The following B3GAT2 variants were observed in gnomAD, a reference collection of about 807,000 sequenced individuals.
The protein encoded by B3GAT2 is galactosylgalactosylxylosylprotein 3-beta-glucuronosyltransferase 2.
Under a neutral mutation model 27.8 loss-of-function variants are expected in B3GAT2, and 26 were observed. That is an observed-to-expected ratio of 0.93 (90% CI 0.68 to 1.30). B3GAT2 has a LOEUF of 1.30. Among genes scored for constraint, B3GAT2 ranks in the 50% most tolerant of loss-of-function variants. The probability of loss-of-function intolerance (pLI) is 0.00; values close to 1 mark genes in which losing one functional copy is unlikely to be tolerated. For missense variants in B3GAT2, 458 were observed against 459.0 expected, an observed-to-expected ratio of 1.00 and a Z score of 0.02; for synonymous variants, 218 against 195.1, an observed-to-expected ratio of 1.12 and a Z score of -0.98.
chr6:70,931,032 T>C (rs923856966), intron 1 of B3GAT2, among the ~76,000 whole-genome samples: 1 of 152,090 alleles, frequency 6.6e-6, no homozygotes, highest in African/African-American at 2.4e-5. Context: ...ATGTCCTTTG[T>C]AGGGACATGG....
At chr6:70,882,035 C>T (rs1235530714) in intron 2 of B3GAT2, among the ~76,000 whole-genome samples, 8 of 152,120 alleles carry the variant, frequency 5.3e-5, no homozygotes, top group Non-Finnish European at 1.0e-4. Flanking sequence ...ATACTCTGCC[C>T]CCAACCCTCA....
intron 2 of B3GAT2, among the ~76,000 whole-genome samples, chr6:70,882,502 A>G (rs144753896): frequency 0.024 from 3,690 of 152,282 alleles, 65 homozygotes; most frequent in South Asian, 0.053. Flanking sequence ...CTACATCTCA[A>G]AAAATAAAAA....
chr6:70,935,030 T>C (rs991274343), intron 1 of B3GAT2, among the ~76,000 whole-genome samples: 4 of 152,184 alleles, frequency 2.6e-5, no homozygotes, highest in African/African-American at 9.7e-5. Context: ...TTAAATTCTA[T>C]CTATATTCTT....
At chr6:70,944,577 C>T (rs1415863613) in intron 1 of B3GAT2, among the ~76,000 whole-genome samples, 1 of 152,200 alleles carries the variant, frequency 6.6e-6, no homozygotes. Flanking sequence ...GAAGCTCCAA[C>T]TGGGTGGAGG....
At chr6:70,931,458 G>A (rs1210908510) in intron 1 of B3GAT2, among the ~76,000 whole-genome samples, 1 of 152,058 alleles carries the variant, frequency 6.6e-6, no homozygotes, top group African/African-American at 2.4e-5. Context: ...TTTCTCTATT[G>A]CAATTCCCAT....
Position 70,858,823 on chromosome 6 carries a change from G to A in B3GAT2, c.*2840C>T, listed in dbSNP as rs1771559726. 1 of 152,758 alleles carries A rather than the reference G, an allele frequency of 6.5e-6. No homozygotes were observed. Among genetic ancestry groups the A allele is most frequent in the Non-Finnish European group, 1.5e-5 (1 of 68,478 alleles). The allele number at this position is 152,758 out of a possible 1,614,324, so 9.5% of individuals were successfully genotyped here. The stretch of plus-strand genomic sequence containing the variant: ...TTACATACCCTATAATGACTTTTAT[G>A]TTTAAAAAGAGTACAAAAAGATTCA... On this transcript the variant is annotated 3_prime_UTR_variant, in exon 4 of 4. Transcript: ENST00000230053.
chr6:70,919,914 G>A (rs1309899524), intron 1 of B3GAT2, among the ~76,000 whole-genome samples: 1 of 152,160 alleles, frequency 6.6e-6, no homozygotes, highest in African/African-American at 2.4e-5. Context: ...CCCGTGCTGG[G>A]AGAACCACTG....
intron 1 of B3GAT2, among the ~76,000 whole-genome samples, chr6:70,938,440 C>T (rs138771834): frequency 0.01 from 1,563 of 152,018 alleles, 26 homozygotes; most frequent in African/African-American, 0.035. Flanking sequence ...GAGCCCACAT[C>T]GTCAAGTCAA....
intron 1 of B3GAT2, among the ~76,000 whole-genome samples, chr6:70,934,569 TCTAA>T (rs1363164995): frequency 5.9e-5 from 9 of 152,184 alleles, no homozygotes; most frequent in Admixed American, 5.2e-4. Context: ...ACCAGAGGTT[TCTAA>T]CTATTTGCAT....
intron 2 of B3GAT2, among the ~76,000 whole-genome samples, chr6:70,871,433 G>C (rs889772391): frequency 1.3e-5 from 2 of 151,546 alleles, no homozygotes; most frequent in African/African-American, 2.4e-5. Context: ...CAATCTCTCT[G>C]TTATAGGCCT....
At chr6:70,933,386 T>C (rs918168226) in intron 1 of B3GAT2, among the ~76,000 whole-genome samples, 6 of 151,788 alleles carry the variant, frequency 4.0e-5, no homozygotes, top group African/African-American at 1.2e-4. Flanking sequence ...TAAAGAAGAA[T>C]GAAAAAAATT....
At chr6:70,925,626 C>A (rs757967168) in intron 1 of B3GAT2, among the ~76,000 whole-genome samples, 17 of 151,136 alleles carry the variant, frequency 1.1e-4, no homozygotes, top group Non-Finnish European at 2.2e-4. Context: ...TGAGGCTTGA[C>A]TAGGTAAACG....
chr6:70,859,663 A>G lies in B3GAT2; in HGVS notation c.*2000T>C, dbSNP rs1189412027. 7.8e-6 allele frequency: 2 copies of G among 257,684 alleles called. No homozygotes were observed. Among genetic ancestry groups the G allele is most frequent in the African/African-American group, 2.2e-5 (1 of 44,976 alleles). 16.0% of individuals were successfully genotyped at this position (257,684 alleles called of 1,614,324 possible). Reference sequence around the variant, plus strand: ...CTTATATATATATATATTTGACTCCAGTCTTGAAGAAAAATACATGTAATC... The same window carrying G: ...CTTATATATATATATATTTGACTCCGGTCTTGAAGAAAAATACATGTAATC... On this transcript the variant is annotated 3_prime_UTR_variant, in exon 4 of 4. Transcript: ENST00000230053.
At chr6:70,878,289 T>A (rs1226019344) in intron 2 of B3GAT2, among the ~76,000 whole-genome samples, 1 of 152,212 alleles carries the variant, frequency 6.6e-6, no homozygotes, top group African/African-American at 2.4e-5. Flanking sequence ...TTTTGTCAAA[T>A]TTTCTATTTT....
chr6:70,862,154 T>G (rs1018540330), intron 2 of B3GAT2, 176 bp from the exon 3 acceptor site: 1 of 621,654 alleles, frequency 1.6e-6, no homozygotes, highest in Non-Finnish European at 2.7e-6. Flanking sequence ...GGAAAATCAG[T>G]CATTACAATA....
At chr6:70,892,462 C>T (rs758870227) in intron 2 of B3GAT2, among the ~76,000 whole-genome samples, 2 of 152,160 alleles carry the variant, frequency 1.3e-5, no homozygotes, top group Non-Finnish European at 2.9e-5. Flanking sequence ...GGCAGACATC[C>T]CACGTGTTAA....
Position 70,879,199 on chromosome 6 carries a change from T to TTGC in B3GAT2, c.736+14928_736+14929insGCA, listed in dbSNP as rs1184253985. Among the ~76,000 whole-genome samples, 34 of 152,096 alleles carry TTGC rather than the reference T, an allele frequency of 2.2e-4. 2 individuals carry two copies. Among genetic ancestry groups the TTGC allele is most frequent in the Non-Finnish European group, 1.5e-5 (1 of 68,012 alleles). ...TTAAGTGACTTTGTTTTTGTTGTTG[T>TTGC]TGTTGTTTGTTTTTTGAGAAAAATA... On this transcript the variant is annotated intron_variant, in intron 2 of 3. Coordinates refer to ENST00000230053, the MANE Select transcript of B3GAT2 (RefSeq NM_080742.3).
At chr6:70,916,196 CTGTT>C (rs1409345079) in intron 1 of B3GAT2, among the ~76,000 whole-genome samples, 3 of 151,664 alleles carry the variant, frequency 2.0e-5, no homozygotes, top group African/African-American at 7.3e-5. Flanking sequence ...ATTTGGCTCT[CTGTT>C]TGTCTGTTCT....
intron 1 of B3GAT2, among the ~76,000 whole-genome samples, chr6:70,944,144 C>T (rs570247540): frequency 1.9e-4 from 29 of 152,234 alleles, no homozygotes; most frequent in Admixed American, 7.8e-4. Flanking sequence ...CCAGCGTGAG[C>T]GACGCAGAAG....
Sources: allele counts gnomAD v4.1 joint callset (sites outside exome capture counted in the v4.1 genomes callset), GRCh38; gene constraint gnomAD v4.1.1; transcripts MANE v1.5; gene names NCBI Gene and HGNC (gene_info 2026-07-23, HGNC 2026-07-21).